Variants in CLMN observed in about 807,000 individuals in gnomAD.
CLMN encodes the protein calmin (calponin-like, transmembrane).
Under a neutral mutation model 92.7 loss-of-function variants are expected in CLMN, and 57 were observed. The observed-to-expected ratio is 0.61, with a 90% CI of 0.50 to 0.77. The LOEUF is 0.77. CLMN is among the 30% of genes least tolerant of loss of function. The pLI is 0.00. For synonymous variants in CLMN, 466 were observed against 470.6 expected (o/e 0.99, Z 0.13); for missense variants, 1,158 against 1,237.5 (o/e 0.94, Z 0.96).
Position 95,204,325 on chromosome 14 carries a change from T to A in CLMN, c.1024A>T (p.Thr342Ser). 1 of 1,613,862 alleles carries A rather than the reference T, an allele frequency of 6.2e-7. No individual in the cohort carries two copies. The highest frequency in any genetic ancestry group is 8.5e-7 in the Non-Finnish European group (1 of 1,179,948). ...GERTYTVNHE[T>S]SHPPPSKVFV... ...ACTTTGGAGGGTGGTGGGTGGCTGG[T>A]TTCATGGTTAACAGTGTAGGTACGC... The change falls in exon 9 of 13, where the codon ACC (threonine) becomes TCC (serine). Residue 342 changes from threonine to serine, a missense_variant. Physicochemically the swap from Thr to Ser is moderately conservative, Grantham distance 58 (BLOSUM62 1). Transcript: ENST00000298912.
At chr14:95,316,551 A>T (rs891266100) in intron 1 of CLMN, among the ~76,000 whole-genome samples, 2 of 152,192 alleles carry the variant, frequency 1.3e-5, no homozygotes, top group African/African-American at 2.4e-5. Flanking sequence ...CTTCATTCCA[A>T]TGTTTTTTGG....
At chr14:95,271,487 C>G (rs1899708696) in intron 1 of CLMN, among the ~76,000 whole-genome samples, 1 of 152,126 alleles carries the variant, frequency 6.6e-6, no homozygotes, top group African/African-American at 2.4e-5. Flanking sequence ...GGTTTTCTAC[C>G]AGGGAACAAA....
chr14:95,293,286 C>T (rs1212543455), intron 1 of CLMN, among the ~76,000 whole-genome samples: 1 of 76,176 alleles, frequency 1.3e-5, no homozygotes, highest in African/African-American at 4.8e-5. Context: ...CTTTTCCTCC[C>T]TCCCTCCTTC....
chr14:95,288,215 C>G (rs1221908318), intron 1 of CLMN, among the ~76,000 whole-genome samples: 1 of 152,184 alleles, frequency 6.6e-6, no homozygotes, highest in African/African-American at 2.4e-5. Flanking sequence ...AAGTCCTACT[C>G]TTAGAGGACT....
intron 1 of CLMN, among the ~76,000 whole-genome samples, chr14:95,282,461 A>G (rs1170806194): frequency 6.6e-6 from 1 of 152,236 alleles, no homozygotes; most frequent in Non-Finnish European, 1.5e-5. Flanking sequence ...GATCAGAGCA[A>G]TATCAGGAGA....
chr14:95,242,574 C>CTTTCTTTCTTTTTTTT (rs749024477), intron 1 of CLMN, among the ~76,000 whole-genome samples: 1 of 119,856 alleles, frequency 8.3e-6, no homozygotes, highest in African/African-American at 3.1e-5. Context: ...ATCTCTTTTT[C>CTTTCTTTCTTTTTTTT]TTTTTTTTTG....
intron 12 of CLMN, chr14:95,193,410 C>T (rs3180753): frequency 0.24 from 363,023 of 1,528,966 alleles, 44,512 homozygotes; most frequent in East Asian, 0.37. Flanking sequence ...CTTCTGAGTA[C>T]TGTACCTGCA....
chr14:95,236,868 T>C (rs1898074455), intron 1 of CLMN, among the ~76,000 whole-genome samples: 1 of 151,488 alleles, frequency 6.6e-6, no homozygotes, highest in Non-Finnish European at 1.5e-5. Context: ...TGCCATACCA[T>C]GTGGGGTTGT....
intron 1 of CLMN, among the ~76,000 whole-genome samples, chr14:95,280,748 G>A (rs1185320667): frequency 6.6e-6 from 1 of 152,086 alleles, no homozygotes; most frequent in Non-Finnish European, 1.5e-5. Context: ...CTTTTGTTGG[G>A]CTATATTTTT....
At chr14:95,266,605 A>T (rs1296256709) in intron 1 of CLMN, among the ~76,000 whole-genome samples, 1 of 152,236 alleles carries the variant, frequency 6.6e-6, no homozygotes, top group African/African-American at 2.4e-5. Context: ...ATATATTAAA[A>T]TGTCAAGATC....
In CLMN at chr14:95,182,155, T is replaced by C. The variant is rs1403458396; in HGVS notation, c.*9409A>G. The C allele has an allele frequency of 6.6e-6, 1 of 152,214 alleles. No individual in the cohort carries two copies. Among genetic ancestry groups the C allele is most frequent in the Non-Finnish European group, 1.5e-5 (1 of 68,040 alleles). 9.4% of individuals were successfully genotyped at this position (152,214 alleles called of 1,614,324 possible). On this transcript the variant is annotated 3_prime_UTR_variant, in exon 13 of 13. Transcript: ENST00000298912. The stretch of plus-strand genomic sequence containing the variant: ...AGACGGCACATTCATATATTGTTTA[T>C]AAAGATCTTTTTTTTTACAAAGCTA...
intron 1 of CLMN, among the ~76,000 whole-genome samples, chr14:95,245,238 T>TATA (rs1298554368): frequency 3.5e-5 from 1 of 28,194 alleles, no homozygotes; most frequent in Non-Finnish European, 5.3e-5. Flanking sequence ...TATATATATA[T>TATA]TATATATATA....
At position 95,191,927 on chromosome 14, in the gene CLMN, C is replaced by T; in HGVS notation, c.2841-195G>A. 1 of 496,964 alleles carries T rather than the reference C, an allele frequency of 2.0e-6. No homozygotes were observed. Among genetic ancestry groups the T allele is most frequent in the Non-Finnish European group, 3.5e-6 (1 of 282,790 alleles). 30.8% of individuals were successfully genotyped at this position (496,964 alleles called of 1,614,324 possible). A position where few individuals can be genotyped will look rare whatever the true frequency, so the allele number is the denominator to read the frequency against. On this transcript the variant is annotated intron_variant, in intron 12 of 12. Coordinates refer to ENST00000298912, the MANE Select transcript of CLMN (RefSeq NM_024734.4). The surrounding 1 kb of genome is among the most constrained non-coding windows in gnomAD (Gnocchi z 5.3). ...GTGCGTCGGGCCATCCAGGCAGCCC[C>T]TCGAGCTTTTGCACGTACTCCGTTC...
At chr14:95,241,274 C>A (rs7157313) in intron 1 of CLMN, among the ~76,000 whole-genome samples, 23 of 151,890 alleles carry the variant, frequency 1.5e-4, no homozygotes, top group African/African-American at 5.6e-4. Flanking sequence ...GACTGAAGGG[C>A]CTCCTGGGGC....
intron 12 of CLMN, chr14:95,193,207 G>C: frequency 2.9e-6 from 2 of 694,990 alleles, no homozygotes; most frequent in Non-Finnish European, 5.0e-6. Context: ...GGACGTCTCA[G>C]AATTGTAAGA....
rs1407281961 is a variant in CLMN at position 95,190,771 on chromosome 14, C to T, written c.*793G>A. 1.3e-5 allele frequency: 2 copies of T among 152,242 alleles called. No individual in the cohort carries two copies. The highest frequency in any genetic ancestry group is 2.9e-5 in the Non-Finnish European group (2 of 68,064). The allele number at this position is 152,242 out of a possible 1,614,324, so 9.4% of individuals were successfully genotyped here. A position where few individuals can be genotyped will look rare whatever the true frequency, so the allele number is the denominator to read the frequency against. On this transcript the variant is annotated 3_prime_UTR_variant, in exon 13 of 13. Transcript: ENST00000298912. ...GCACTGCTGGGAGCTGATTCCAGCC[C>T]AGCCACTCCTCATGGCTTTTATATG...
chr14:95,260,461 A>C (rs529815616), intron 1 of CLMN: 109 of 151,922 alleles, frequency 7.2e-4, no homozygotes, highest in African/African-American at 2.5e-3. Flanking sequence ...AAAAGAATGG[A>C]TCCAACAAAC....
chr14:95,302,170 T>C (rs1032940897), intron 1 of CLMN, among the ~76,000 whole-genome samples: 4 of 152,224 alleles, frequency 2.6e-5, no homozygotes, highest in African/African-American at 2.4e-5. Flanking sequence ...CATGGTGGTG[T>C]GCACCTGTAA....
At chr14:95,216,868 C>T (rs1372176792) in intron 4 of CLMN, among the ~76,000 whole-genome samples, 1 of 152,198 alleles carries the variant, frequency 6.6e-6, no homozygotes, top group East Asian at 1.9e-4. Flanking sequence ...TCATTCTCCC[C>T]TATGTCTACA....
Sources: allele counts gnomAD v4.1 joint callset (sites outside exome capture counted in the v4.1 genomes callset), GRCh38; gene constraint gnomAD v4.1.1; non-coding constraint Gnocchi (gnomAD v3.1); transcripts MANE v1.5; gene names NCBI Gene and HGNC (gene_info 2026-07-23, HGNC 2026-07-21).